Variants in ADAMTSL1 observed in about 807,000 individuals in gnomAD.
ADAMTSL1 encodes ADAMTS like 1.
In ADAMTSL1, 126 loss-of-function variants were observed where a neutral mutation model predicts 201.8. The observed-to-expected ratio is 0.62, with a 90% CI of 0.54 to 0.72. ADAMTSL1 has a LOEUF of 0.72. Ranked by LOEUF, ADAMTSL1 falls within the 30% of genes least tolerant of loss-of-function variation. The pLI is 0.00. For synonymous variants in ADAMTSL1, 1,121 were observed against 903.4 expected, an observed-to-expected ratio of 1.24 and a Z score of -4.32; for missense variants, 2,679 against 2,277.8, an observed-to-expected ratio of 1.18 and a Z score of -3.59.
intron 4 of ADAMTSL1, among the ~76,000 whole-genome samples, chr9:18,595,694 A>G (rs1012988398): frequency 2.6e-5 from 4 of 152,236 alleles, no homozygotes; most frequent in Admixed American, 2.0e-4. Context: ...GCCAAGGCCA[A>G]TGTCAGCAAG....
chr9:18,855,072 C>A (rs1826753868), intron 23 of ADAMTSL1, among the ~76,000 whole-genome samples: 1 of 152,090 alleles, frequency 6.6e-6, no homozygotes, highest in Admixed American at 6.6e-5. Flanking sequence ...CTACTCTGTG[C>A]CAAGAATTCT....
At chr9:18,146,120 T>C (rs1278168036) in intron 1 of ADAMTSL1, among the ~76,000 whole-genome samples, 1 of 152,188 alleles carries the variant, frequency 6.6e-6, no homozygotes, top group Non-Finnish European at 1.5e-5. Context: ...TTCTCATTCA[T>C]TGCTAGTGGG....
intron 1 of ADAMTSL1, among the ~76,000 whole-genome samples, chr9:18,490,340 G>A (rs78054618): frequency 2.6e-5 from 4 of 152,006 alleles, no homozygotes; most frequent in African/African-American, 7.2e-5. Context: ...GGAGGGAGAG[G>A]GGGTAGGTGA....
chr9:18,335,729 T>G lies in ADAMTSL1; in HGVS notation c.208-169100T>G, dbSNP rs148196131. 6.3e-3 allele frequency among the ~76,000 whole-genome samples: 961 copies of G among 152,290 alleles called. 17 individuals are homozygous for G. Among genetic ancestry groups the G allele is most frequent in the Middle Eastern group, 6.8e-3 (2 of 294 alleles). On this transcript the variant is annotated intron_variant, in intron 2 of 29. Transcript: ENST00000680146. Reference sequence around the variant, plus strand: ...TCTATTCCATGTCTGTATAAGGTGGTGTAAAACATATATTAGTGCTGTTAG... The same window carrying G: ...TCTATTCCATGTCTGTATAAGGTGGGGTAAAACATATATTAGTGCTGTTAG...
At chr9:18,683,839 A>G (rs1035640739) in intron 12 of ADAMTSL1, among the ~76,000 whole-genome samples, 1 of 152,230 alleles carries the variant, frequency 6.6e-6, no homozygotes, top group Admixed American at 6.5e-5. Flanking sequence ...TGGCTCTCTA[A>G]ACATCATTAA....
Position 18,829,850 on chromosome 9 carries a change from C to A in ADAMTSL1, c.4122C>A (p.Pro1374=), listed in dbSNP as rs747019303. 3 of 1,613,894 alleles carry A rather than the reference C, an allele frequency of 1.9e-6. No individual in the cohort carries two copies. The highest frequency in any genetic ancestry group is 1.3e-5 in the African/African-American group (1 of 74,922). Residue 1374 remains proline, a synonymous_variant, in exon 23 of 29, where the codon CCC becomes CCA. Transcript: ENST00000380548. ...CCCTCTGCCTTCTCACAGATCCCCCCCAAGTCCCCACACAGTTGGAAGACA... is the reference window on the plus strand; with the variant it reads ...CCCTCTGCCTTCTCACAGATCCCCCACAAGTCCCCACACAGTTGGAAGACA... The part of the protein sequence containing the change: ...ESTQLLILDP[P]QVPTQLEDIR...
intron 1 of ADAMTSL1, among the ~76,000 whole-genome samples, chr9:18,000,595 G>A (rs1342872742): frequency 2.0e-5 from 3 of 151,956 alleles, no homozygotes; most frequent in African/African-American, 7.2e-5. Flanking sequence ...CTTTTAACTT[G>A]GGAAAAACCT....
chr9:18,633,486 G>A (rs1393350797), intron 5 of ADAMTSL1, among the ~76,000 whole-genome samples: 1 of 152,060 alleles, frequency 6.6e-6, no homozygotes, highest in Non-Finnish European at 1.5e-5. Flanking sequence ...AGCTACTTGA[G>A]GCTGAGGCAG....
intron 1 of ADAMTSL1, among the ~76,000 whole-genome samples, chr9:18,070,852 T>A (rs1023130562): frequency 1.3e-5 from 2 of 152,168 alleles, no homozygotes; most frequent in African/African-American, 2.4e-5. Flanking sequence ...CCCACCCCGA[T>A]GATCTGATAC....
chr9:18,076,356 C>G (rs1041093475), intron 1 of ADAMTSL1, among the ~76,000 whole-genome samples: 6 of 152,134 alleles, frequency 3.9e-5, no homozygotes, highest in Admixed American at 3.9e-4. Context: ...GTGAGGTGGA[C>G]ACAGGTAAAT....
intron 2 of ADAMTSL1, among the ~76,000 whole-genome samples, chr9:18,193,914 A>C (rs754550943): frequency 4.6e-5 from 7 of 152,188 alleles, no homozygotes; most frequent in Non-Finnish European, 7.3e-5. Flanking sequence ...AAGGATGGGC[A>C]AAATGCATTA....
At chr9:18,659,634 G>A (rs1828936339) in intron 8 of ADAMTSL1, among the ~76,000 whole-genome samples, 1 of 152,216 alleles carries the variant, frequency 6.6e-6, no homozygotes, top group Non-Finnish European at 1.5e-5. Flanking sequence ...GGGTGTGGTG[G>A]CGCGAGCCTG....
chr9:18,830,039 G>A, intron 23 of ADAMTSL1, 62 bp downstream of exon 23: 4 of 1,542,056 alleles, frequency 2.6e-6, no homozygotes, highest in Non-Finnish European at 3.5e-6. Context: ...TTATGGATGG[G>A]TGACTGTTTG....
intron 2 of ADAMTSL1, among the ~76,000 whole-genome samples, chr9:18,189,319 A>C (rs1480283241): frequency 6.6e-6 from 1 of 152,180 alleles, no homozygotes; most frequent in Non-Finnish European, 1.5e-5. Flanking sequence ...TAATTTCATT[A>C]ATTAAAAAAC....
At chr9:18,150,105 G>A (rs1000572488) in intron 1 of ADAMTSL1, among the ~76,000 whole-genome samples, 3 of 152,042 alleles carry the variant, frequency 2.0e-5, no homozygotes, top group South Asian at 2.1e-4. Flanking sequence ...TGGGGATATA[G>A]GTGTCTGGAA....
At chr9:18,219,460 T>A (rs890119738) in intron 2 of ADAMTSL1, among the ~76,000 whole-genome samples, 22 of 151,958 alleles carry the variant, frequency 1.4e-4, no homozygotes, top group African/African-American at 4.8e-4. Flanking sequence ...TGTCTGCCTT[T>A]CGGGTTCAAG....
At chr9:18,416,555 G>C (rs535822149) in intron 2 of ADAMTSL1, among the ~76,000 whole-genome samples, 6 of 151,792 alleles carry the variant, frequency 4.0e-5, no homozygotes, top group Admixed American at 3.9e-4. Flanking sequence ...GACACACATA[G>C]GTTTAAAGTA....
intron 2 of ADAMTSL1, among the ~76,000 whole-genome samples, chr9:18,307,550 C>G (rs1833956674): frequency 6.6e-6 from 1 of 152,004 alleles, no homozygotes; most frequent in African/African-American, 2.4e-5. Flanking sequence ...CAATCCTATT[C>G]TCTCATAAAA....
intron 2 of ADAMTSL1, among the ~76,000 whole-genome samples, chr9:18,342,788 C>A (rs1339603965): frequency 6.6e-6 from 1 of 152,072 alleles, no homozygotes; most frequent in Non-Finnish European, 1.5e-5. Flanking sequence ...TATTTAACAT[C>A]TTCTCAAGGA....
Sources: gnomAD v4.1 joint callset for allele counts (sites outside exome capture counted in the v4.1 genomes callset) on GRCh38, gnomAD v4.1.1 for gene constraint, MANE v1.5 for transcripts, NCBI Gene and HGNC (gene_info 2026-07-23, HGNC 2026-07-21) for gene names.